CNTN5: variants seen among roughly 807,000 people sequenced by gnomAD.
The protein encoded by CNTN5 is contactin 5, also known as contactin-5.
In CNTN5, 77 loss-of-function variants were observed where a neutral mutation model predicts 129.1. That is an observed-to-expected ratio of 0.60 (90% CI 0.50 to 0.72). CNTN5 has a LOEUF of 0.72. Ranked by LOEUF, CNTN5 falls within the 30% of genes least tolerant of loss-of-function variation. CNTN5 has a pLI of 0.00. For missense variants in CNTN5, 1,478 were observed against 1,328.8 expected, an observed-to-expected ratio of 1.11 and a Z score of -1.75; for synonymous variants, 509 against 465.6, an observed-to-expected ratio of 1.09 and a Z score of -1.20.
chr11:99,362,980 G>C (rs1425553518), intron 2 of CNTN5, among the ~76,000 whole-genome samples: 3 of 151,786 alleles, frequency 2.0e-5, no homozygotes, highest in African/African-American at 7.3e-5. Context: ...TCTTTTTCAA[G>C]ATTGTTTTGG....
At position 99,788,249 on chromosome 11, in the gene CNTN5, G is replaced by C. The variant is rs185239827; in HGVS notation, c.56-31295G>C. 2.2e-4 allele frequency among the ~76,000 whole-genome samples: 33 copies of C among 151,820 alleles called. No homozygotes were observed. In the East Asian group the frequency reaches 5.4e-3, roughly 25 times the overall value. ...CTGAATTCCTCCATTAATGAATACT[G>C]TCTATTCCTCAAGTTTAATTGCCTC... On this transcript the variant is annotated intron_variant, in intron 3 of 24. Transcript: ENST00000524871.
intron 3 of CNTN5, among the ~76,000 whole-genome samples, chr11:99,778,293 G>C (rs1145376): frequency 0.67 from 100,957 of 151,402 alleles, 33,788 homozygotes; most frequent in East Asian, 0.72. Flanking sequence ...GAGAAGTGTT[G>C]TCATCTTGAT....
At chr11:99,888,455 A>C (rs577918096) in intron 6 of CNTN5, among the ~76,000 whole-genome samples, 4 of 152,366 alleles carry the variant, frequency 2.6e-5, no homozygotes, top group Admixed American at 6.5e-5. Context: ...ACAGAGACTC[A>C]GATGTTAAAC....
intron 1 of CNTN5, among the ~76,000 whole-genome samples, chr11:99,052,608 C>T (rs1864472383): frequency 6.6e-6 from 1 of 151,804 alleles, no homozygotes; most frequent in Non-Finnish European, 1.5e-5. Flanking sequence ...TGAAACATGA[C>T]TGTATTTTTA....
intron 8 of CNTN5, among the ~76,000 whole-genome samples, chr11:99,958,449 A>G (rs866141863): frequency 3.9e-5 from 6 of 152,298 alleles, no homozygotes; most frequent in Middle Eastern, 3.4e-3. Flanking sequence ...AAAATGAGGA[A>G]TTCAGTTTTG....
chr11:99,861,430 A>G (rs1469362295), intron 6 of CNTN5, among the ~76,000 whole-genome samples: 2 of 152,186 alleles, frequency 1.3e-5, no homozygotes, highest in African/African-American at 2.4e-5. Flanking sequence ...ACTTAAGCAC[A>G]CTGATTATGC....
chr11:100,247,363 T>C lies in CNTN5; in HGVS notation c.2006-8397T>C, dbSNP rs117934823. ...AATTGCTTTTGGAAAAAAAGGAAAGTATAACTGTTTGTTTCTCATTTCCAT... is the reference window on the plus strand; with the variant it reads ...AATTGCTTTTGGAAAAAAAGGAAAGCATAACTGTTTGTTTCTCATTTCCAT... On this transcript the variant is annotated intron_variant, in intron 16 of 24. Transcript: ENST00000524871. 5.9e-4 allele frequency among the ~76,000 whole-genome samples: 90 copies of C among 152,264 alleles called. 2 individuals carry two copies. The East Asian group carries it at 0.017, about 29-fold the overall frequency.
At chr11:99,943,483 T>C (rs1950487945) in intron 7 of CNTN5, among the ~76,000 whole-genome samples, 1 of 152,088 alleles carries the variant, frequency 6.6e-6, no homozygotes, top group South Asian at 2.1e-4. Context: ...TTCTATATGT[T>C]GCTTGTTCAC....
At chr11:100,280,139 G>A (rs1591468810) in intron 18 of CNTN5, among the ~76,000 whole-genome samples, 2 of 151,744 alleles carry the variant, frequency 1.3e-5, no homozygotes, top group South Asian at 4.2e-4. Flanking sequence ...ATGTGCTGAG[G>A]AAAAGAATGT....
chr11:99,980,623 G>A (rs987253654), intron 8 of CNTN5, among the ~76,000 whole-genome samples: 2 of 152,140 alleles, frequency 1.3e-5, no homozygotes, highest in Non-Finnish European at 2.9e-5. Context: ...GTATTTTGCA[G>A]TCCATTAAAT....
Position 99,232,233 on chromosome 11 carries a change from T to C in CNTN5, c.-209-93113T>C, listed in dbSNP as rs192272093. Among the ~76,000 whole-genome samples, 154 of 152,276 alleles carry C rather than the reference T, an allele frequency of 1.0e-3. 1 individual carries two copies. The East Asian group carries it at 0.024, about 24-fold the overall frequency. ...GGAATCGCACTGAATCTATAAATTA[T>C]TTTGGGCTGTACAGCCATTTTCATG... On this transcript the variant is annotated intron_variant, in intron 1 of 24. Transcript: ENST00000524871.
At chr11:99,486,110 A>G (rs1314724997) in intron 2 of CNTN5, among the ~76,000 whole-genome samples, 1 of 151,988 alleles carries the variant, frequency 6.6e-6, no homozygotes, top group East Asian at 1.9e-4. Context: ...GTTCATTCTT[A>G]TAATTTATTT....
At chr11:99,423,088 T>A (rs1285163148) in intron 2 of CNTN5, among the ~76,000 whole-genome samples, 1 of 152,146 alleles carries the variant, frequency 6.6e-6, no homozygotes, top group Non-Finnish European at 1.5e-5. Flanking sequence ...ATCCCACCTT[T>A]ACGTAGAGCC....
intron 8 of CNTN5, among the ~76,000 whole-genome samples, chr11:99,978,715 T>C (rs570768935): frequency 6.6e-6 from 1 of 152,316 alleles, no homozygotes; most frequent in South Asian, 2.1e-4. Context: ...TCTGATGTTT[T>C]AACAGCAACG....
intron 13 of CNTN5, among the ~76,000 whole-genome samples, chr11:100,104,987 G>T (rs1007104400): frequency 6.6e-6 from 1 of 152,156 alleles, no homozygotes; most frequent in African/African-American, 2.4e-5. Flanking sequence ...AAGAAGCAGA[G>T]AAAGATCTAT....
At chr11:99,284,323 C>A (rs530846908) in intron 1 of CNTN5, among the ~76,000 whole-genome samples, 1 of 152,120 alleles carries the variant, frequency 6.6e-6, no homozygotes, top group East Asian at 1.9e-4. Flanking sequence ...TATATTTTAA[C>A]AGTTTTAGAG....
intron 3 of CNTN5, among the ~76,000 whole-genome samples, chr11:99,727,697 G>A (rs1333101433): frequency 6.6e-6 from 1 of 151,970 alleles, no homozygotes; most frequent in Non-Finnish European, 1.5e-5. Context: ...GAGATATATG[G>A]GTTCACTGAT....
intron 1 of CNTN5, among the ~76,000 whole-genome samples, chr11:99,068,505 A>C (rs1395929655): frequency 2.0e-5 from 3 of 152,166 alleles, no homozygotes; most frequent in Non-Finnish European, 4.4e-5. Flanking sequence ...AGGGGATACA[A>C]TCTATTGGAG....
chr11:99,836,352 C>A (rs979025137), intron 4 of CNTN5, among the ~76,000 whole-genome samples: 1 of 142,286 alleles, frequency 7.0e-6, no homozygotes, highest in African/African-American at 2.6e-5. Flanking sequence ...TCGAAGTGTT[C>A]TCATTGTTCA....
Sources: allele counts gnomAD v4.1 joint callset (sites outside exome capture counted in the v4.1 genomes callset), GRCh38; gene constraint gnomAD v4.1.1; transcripts MANE v1.5; gene names NCBI Gene and HGNC (gene_info 2026-07-23, HGNC 2026-07-21).